SGPP2: variants seen among roughly 807,000 people sequenced by gnomAD.
The protein encoded by SGPP2 is sphingosine-1-phosphate phosphatase 2.
Under a neutral mutation model 33.9 loss-of-function variants are expected in SGPP2, and 30 were observed. The ratio of observed to expected loss-of-function variants is 0.89; its 90% confidence interval spans 0.66 to 1.20. The LOEUF (loss-of-function observed/expected upper bound fraction) is 1.20. Ranked by LOEUF, SGPP2 falls within the 50% of genes most tolerant of loss-of-function variation. SGPP2 has a pLI of 0.00. For missense variants in SGPP2, 458 were observed against 532.1 expected (o/e 0.86, Z 1.37); for synonymous variants, 233 against 225.0 (o/e 1.04, Z -0.32).
At chr2:222,439,578 T>C (rs974210485) in intron 1 of SGPP2, among the ~76,000 whole-genome samples, 3 of 152,190 alleles carry the variant, frequency 2.0e-5, no homozygotes, top group Admixed American at 2.0e-4. Context: ...GATAAATTGT[T>C]AAATCAACTG....
chr2:222,474,135 G>A (rs947120081), intron 1 of SGPP2, among the ~76,000 whole-genome samples: 1 of 152,046 alleles, frequency 6.6e-6, no homozygotes, highest in Non-Finnish European at 1.5e-5. Context: ...ATCATTAATT[G>A]CATATTTCAA....
chr2:222,424,517 G>A (rs975385810), upstream of SGPP2: 4 of 976,134 alleles, frequency 4.1e-6, no homozygotes, highest in Non-Finnish European at 5.2e-6. Flanking sequence ...GTGCGGGATC[G>A]GCGGGGGCGA....
At chr2:222,511,263 G>C (rs1167291029) in intron 2 of SGPP2, among the ~76,000 whole-genome samples, 2 of 152,164 alleles carry the variant, frequency 1.3e-5, no homozygotes. Flanking sequence ...AAAACCTTTT[G>C]TCTGCCTGGG....
chr2:222,492,900 C>T (rs112603196), intron 2 of SGPP2, among the ~76,000 whole-genome samples: 230 of 152,316 alleles, frequency 1.5e-3, no homozygotes, highest in African/African-American at 5.2e-3. Flanking sequence ...GACCTTTGCT[C>T]CAGTTACCAG....
intron 2 of SGPP2, among the ~76,000 whole-genome samples, chr2:222,510,445 A>G (rs143870699): frequency 6.6e-6 from 1 of 152,292 alleles, no homozygotes; most frequent in East Asian, 1.9e-4. Context: ...GACTTTTTGG[A>G]AACAAACCCG....
At chr2:222,555,524 A>C (rs969554378) in intron 4 of SGPP2, among the ~76,000 whole-genome samples, 3 of 146,544 alleles carry the variant, frequency 2.0e-5, no homozygotes, top group African/African-American at 7.6e-5. Flanking sequence ...CAGGACATCC[A>C]GATGGAAATG....
In SGPP2 at chr2:222,559,170, C is replaced by CAA. The variant is rs1559180395; in HGVS notation, c.*272_*273insAA. 9 of 109,370 alleles carry CAA rather than the reference C, an allele frequency of 8.2e-5. 2 individuals carry two copies. The highest frequency in any genetic ancestry group is 1.7e-4 in the East Asian group (1 of 6,046). The allele number at this position is 109,370 out of a possible 1,614,324, so 6.8% of individuals were successfully genotyped here. The stretch of plus-strand genomic sequence containing the variant: ...TAAAGGCACACACCGCGCCCCCCCC[C>CAA]CCCCCGCCCGGCCCCTGCTCCTCTC... On this transcript the variant is annotated 3_prime_UTR_variant, in exon 5 of 5. Coordinates refer to ENST00000321276, the MANE Select transcript of SGPP2 (RefSeq NM_152386.4).
At chr2:222,436,889 A>G (rs1174609762) in intron 1 of SGPP2, among the ~76,000 whole-genome samples, 1 of 152,166 alleles carries the variant, frequency 6.6e-6, no homozygotes, top group Non-Finnish European at 1.5e-5. Context: ...CTGCTGGCAA[A>G]TTGGGCACTC....
rs1014009993 is a variant in SGPP2, at chr2:222,538,902, C to A, written c.648+13869C>A. ...TCCAGTCACCTCCCACCAGGTCCCA[C>A]CTCCAATATTGGGGATTACAATTCA... is the stretch of plus-strand genomic sequence containing the variant. On this transcript the variant is annotated intron_variant, in intron 4 of 4. Transcript: ENST00000321276. 2.0e-5 allele frequency among the ~76,000 whole-genome samples: 3 copies of A among 152,158 alleles called. No homozygotes were observed. The East Asian group carries it at 5.8e-4, about 29-fold the overall frequency.
intron 1 of SGPP2, among the ~76,000 whole-genome samples, chr2:222,425,732 T>A (rs1697059373): frequency 6.6e-6 from 1 of 152,218 alleles, no homozygotes; most frequent in Non-Finnish European, 1.5e-5. Context: ...TTCGAATTCC[T>A]TGTACACAGC....
intron 1 of SGPP2, among the ~76,000 whole-genome samples, chr2:222,429,139 C>A (rs1697115556): frequency 1.3e-5 from 2 of 152,144 alleles, no homozygotes; most frequent in African/African-American, 2.4e-5. Context: ...GGTTTTCTAA[C>A]CATGGCTGTA....
intron 4 of SGPP2, among the ~76,000 whole-genome samples, chr2:222,541,945 G>A (rs1574887604): frequency 6.6e-6 from 1 of 152,236 alleles, no homozygotes; most frequent in East Asian, 1.9e-4. Flanking sequence ...TTAACCTGTG[G>A]TGTGCATAGA....
chr2:222,551,076 C>T (rs973373171), intron 4 of SGPP2, among the ~76,000 whole-genome samples: 4 of 152,080 alleles, frequency 2.6e-5, no homozygotes, highest in African/African-American at 9.7e-5. Context: ...CATTTTTGCT[C>T]TCATGTCTTT....
At chr2:222,520,518 G>A (rs1469649041) in intron 2 of SGPP2, among the ~76,000 whole-genome samples, 1 of 152,112 alleles carries the variant, frequency 6.6e-6, no homozygotes, top group Non-Finnish European at 1.5e-5. Context: ...ATCTTCTGAG[G>A]TCAGGAGTTC....
At chr2:222,450,114 T>A (rs1167448145) in intron 1 of SGPP2, among the ~76,000 whole-genome samples, 1 of 152,222 alleles carries the variant, frequency 6.6e-6, no homozygotes, top group Non-Finnish European at 1.5e-5. Flanking sequence ...ATATGAAATA[T>A]AGACTGTGTT....
intron 1 of SGPP2, among the ~76,000 whole-genome samples, chr2:222,441,764 G>C (rs1697328896): frequency 6.6e-6 from 1 of 151,940 alleles, no homozygotes; most frequent in Non-Finnish European, 1.5e-5. Flanking sequence ...ATACTTTTGA[G>C]GAATATTAGT....
At chr2:222,496,489 A>G (rs540350723) in intron 2 of SGPP2, among the ~76,000 whole-genome samples, 40 of 152,332 alleles carry the variant, frequency 2.6e-4, no homozygotes, top group Non-Finnish European at 5.3e-4. Flanking sequence ...CCCTCGAGCT[A>G]GTCTTATACC....
intron 1 of SGPP2, among the ~76,000 whole-genome samples, chr2:222,469,536 G>A (rs186510237): frequency 6.6e-6 from 1 of 152,282 alleles, no homozygotes; most frequent in East Asian, 1.9e-4. Flanking sequence ...TCAAAGCCTA[G>A]GCCATCAGCT....
chr2:222,486,647 G>C (rs1698113929), intron 2 of SGPP2, among the ~76,000 whole-genome samples: 1 of 152,098 alleles, frequency 6.6e-6, no homozygotes, highest in Non-Finnish European at 1.5e-5. Flanking sequence ...AAATATTCTT[G>C]AGCGAAGTGT....
Sources: allele counts gnomAD v4.1 joint callset (sites outside exome capture counted in the v4.1 genomes callset), GRCh38; gene constraint gnomAD v4.1.1; transcripts MANE v1.5; gene names NCBI Gene and HGNC (gene_info 2026-07-23, HGNC 2026-07-21).